HDAC5: variants seen among roughly 807,000 people sequenced by gnomAD.
HDAC5 encodes the protein histone deacetylase 5, also known as antigen NY-CO-9.
Under a neutral mutation model 133.3 loss-of-function variants are expected in HDAC5, and 25 were observed. The observed-to-expected ratio is 0.19, with a 90% CI of 0.14 to 0.26. The LOEUF (loss-of-function observed/expected upper bound fraction) is 0.26. Ranked by LOEUF, HDAC5 falls within the 10% of genes least tolerant of loss-of-function variation. The pLI, the probability that HDAC5 is intolerant of heterozygous loss-of-function variation, is 1.00. For synonymous variants in HDAC5, 589 were observed against 610.8 expected, an observed-to-expected ratio of 0.96 and a Z score of 0.53; for missense variants, 1,041 against 1,460.5, an observed-to-expected ratio of 0.71 and a Z score of 4.68.
rs1449544189 is a variant in HDAC5 at position 44,078,893 on chromosome 17, GAA to G, written c.3079-16_3079-15del. 1 of 1,613,950 alleles carries G rather than the reference GAA, an allele frequency of 6.2e-7. No individual in the cohort carries two copies. Among genetic ancestry groups the G allele is most frequent in the Non-Finnish European group, 8.5e-7 (1 of 1,179,838 alleles). On this transcript the variant is annotated splice_polypyrimidine_tract_variant and intron_variant, in intron 24 of 26. Coordinates refer to ENST00000682912, the MANE Select transcript of HDAC5 (RefSeq NM_005474.5). ...CAAGGGCTGCAGCTGGCAGGGGAAA[GAA>G]GAGAAGGCTTAGGGTGGGGAGTAGG...
In HDAC5 at chr17:44,080,850, C is replaced by G. The variant is rs571457835; in HGVS notation, c.2640G>C (p.Ala880=). 6.2e-7 allele frequency: 1 copy of G among 1,614,054 alleles called. No homozygotes were observed. The highest frequency in any genetic ancestry group is 8.5e-7 in the Non-Finnish European group (1 of 1,180,024). ...AGAGCACAGAGGGGTCATTGTAGAACGCCTGCTGGGTGCCATTGCCATGGT... is the reference window on the plus strand; with the variant it reads ...AGAGCACAGAGGGGTCATTGTAGAAGGCCTGCTGGGTGCCATTGCCATGGT... ...DIHHGNGTQQ[A]FYNDPSVLYI... Residue 880 remains alanine (A), a synonymous_variant, in exon 21 of 27, where the codon GCG becomes GCC. Coordinates refer to ENST00000682912, the MANE Select transcript of HDAC5 (RefSeq NM_005474.5).
chr17:44,111,295 T>G, intron 2 of HDAC5: 1 of 315,740 alleles, frequency 3.2e-6, no homozygotes, highest in South Asian at 2.6e-5. Flanking sequence ...TGTCTATAAA[T>G]AGGTGGAGCA....
rs997821240 is a variant in HDAC5, at chr17:44,085,263, C to G, written c.2051-108G>C. 8 of 1,173,744 alleles carry G rather than the reference C, an allele frequency of 6.8e-6. No homozygotes were observed. The Admixed American group carries it at 8.0e-5, about 12-fold the overall frequency. 72.7% of individuals were successfully genotyped at this position (1,173,744 alleles called of 1,614,324 possible). A position where few individuals can be genotyped will look rare whatever the true frequency, so the allele number is the denominator to read the frequency against. On this transcript the variant is annotated intron_variant, in intron 14 of 26. Transcript: ENST00000682912. Reference sequence around the variant, plus strand: ...ATGGAGCTGTCTCCAACCCCCAGGTCCAAACACCTCCCCATGGCCACTGCA... The same window carrying G: ...ATGGAGCTGTCTCCAACCCCCAGGTGCAAACACCTCCCCATGGCCACTGCA...
chr17:44,093,234 C>A, intron 5 of HDAC5, 28 bp from the exon 6 acceptor site: 2 of 1,592,328 alleles, frequency 1.3e-6, no homozygotes, highest in Non-Finnish European at 8.6e-7. Flanking sequence ...ACTGACCTGG[C>A]TGCTTGGGGC....
chr17:44,088,528 C>T lies in HDAC5; in HGVS notation c.1458G>A (p.Lys486=), dbSNP rs751828968. Reference sequence around the variant, plus strand: ...GGCTCAGGGGCCGATGCCGCGGGAGCTTGCCTACCGTCCGCATGCTGGTGG... The same window carrying T: ...GGCTCAGGGGCCGATGCCGCGGGAGTTTGCCTACCGTCCGCATGCTGGTGG... ...RVATSMRTVG[K]LPRHRPLSRT... The change falls in exon 12 of 27, where the codon AAG becomes AAA. Residue 486 remains lysine, a synonymous_variant. Coordinates refer to ENST00000682912, the MANE Select transcript of HDAC5 (RefSeq NM_005474.5). The T allele has an allele frequency of 2.1e-5, 34 of 1,613,370 alleles. No individual in the cohort carries two copies. The highest frequency in any genetic ancestry group is 2.7e-5 in the African/African-American group (2 of 74,932).
At chr17:44,088,713 A>C in intron 11 of HDAC5, 115 bp from the exon 12 acceptor site, 51 of 1,420,362 alleles carry the variant, frequency 3.6e-5, no homozygotes, top group Non-Finnish European at 4.1e-5. Context: ...CTATATACTC[A>C]GGAAAAACCC....
In HDAC5 at chr17:44,092,813, T is replaced by TGGGGGGGGGCCCCCCGGGGGG; in HGVS notation, c.642-8_642-7insCCCCCCGGGGGGCCCCCCCCC. ...AGAAGCATGGTGGGCTCCCCTGGGG[T>TGGGGGGGGGCCCCCCGGGGGG]GGGGGGGGGGTGGGGATGGAAGCAG... On this transcript the variant is annotated splice_region_variant and splice_polypyrimidine_tract_variant and intron_variant, in intron 6 of 26. Coordinates refer to ENST00000682912, the MANE Select transcript of HDAC5 (RefSeq NM_005474.5). 2.5e-6 allele frequency: 1 copy of TGGGGGGGGGCCCCCCGGGGGG among 403,444 alleles called. No individual in the cohort carries two copies. Among genetic ancestry groups the TGGGGGGGGGCCCCCCGGGGGG allele is most frequent in the Non-Finnish European group, 4.3e-6 (1 of 232,470 alleles). The allele number at this position is 403,444 out of a possible 1,614,324, so 25.0% of individuals were successfully genotyped here.
Position 44,088,396 on chromosome 17 carries a change from C to T in HDAC5, c.1590G>A (p.Gln530=). Residue 530 remains glutamine (Q), a synonymous_variant, in exon 12 of 27, where the codon CAG becomes CAA. Transcript: ENST00000682912. The part of the protein sequence containing the change: ...FLEKQKQQQL[Q]LGKILTKTGE... ...ACCTTTCCAGGCTCACCTTGCCCAG[C>T]TGTAGCTGCTGCTGCTTCTGCTTCT... 1 of 1,552,102 alleles carries T rather than the reference C, an allele frequency of 6.4e-7. No individual in the cohort carries two copies. The highest frequency in any genetic ancestry group is 2.1e-4 in the Middle Eastern group (1 of 4,828).
intron 3 of HDAC5, among the ~76,000 whole-genome samples, chr17:44,101,115 C>T (rs532665070): frequency 6.7e-6 from 1 of 149,936 alleles, no homozygotes; most frequent in East Asian, 2.1e-4. Context: ...TTTAAAAAGA[C>T]CCTGCTCCAG....
chr17:44,087,463 A>T lies in HDAC5; in HGVS notation c.1833T>A (p.Ser611Arg), dbSNP rs774998476. The stretch of plus-strand genomic sequence containing the variant: ...CCAAGTCGGGCCCCTCCTCAGCACC[A>T]CTCTCGCCCTCCTCGTCCTTAACCT... Reference protein sequence around the residue: ...CIQVKDEEGESGAEEGPDLEE... With the variant: ...CIQVKDEEGERGAEEGPDLEE... The change falls in exon 13 of 27, where the codon AGT becomes AGA. Residue 611 changes from serine to arginine, a missense_variant. This residue lies in a region of HDAC5 where 433 missense variants were observed against 531.6 expected (regional missense o/e 0.81). Coordinates refer to ENST00000682912, the MANE Select transcript of HDAC5 (RefSeq NM_005474.5). 1 of 1,470,416 alleles carries T rather than the reference A, an allele frequency of 6.8e-7. No individual in the cohort carries two copies. 91.1% of individuals were successfully genotyped at this position (1,470,416 alleles called of 1,614,324 possible). A position where few individuals can be genotyped will look rare whatever the true frequency, so the allele number is the denominator to read the frequency against.
At chr17:44,093,937 A>G (rs2051102066) in intron 3 of HDAC5, 103 bp from the exon 4 acceptor site, 2 of 1,376,426 alleles carry the variant, frequency 1.5e-6, no homozygotes, top group South Asian at 1.9e-5. Flanking sequence ...AGACCCAAAG[A>G]GAACAGAGAC....
chr17:44,085,061 C>A lies in HDAC5; in HGVS notation c.2145G>T (p.Trp715Cys). 6.3e-7 allele frequency: 1 copy of A among 1,598,420 alleles called. No individual in the cohort carries two copies. The change falls in exon 15 of 27, where the codon TGG (tryptophan) becomes TGT (cysteine). Residue 715 changes from tryptophan to cysteine, a missense_variant. Physicochemically the swap from Trp to Cys is radical, Grantham distance 215. Transcript: ENST00000682912. ...GCAGGCCTGTCTCCTGCAGCCGGGA[C>A]CAGATGCTCTGGATCCGGCCAGCAT... ...PEHAGRIQSI[W>C]SRLQETGLLS...
rs540473165 is a variant in HDAC5 at position 44,078,879 on chromosome 17, G to A, written c.3079C>T (p.Leu1027=). Residue 1027 remains leucine (L), a splice_region_variant and synonymous_variant, in exon 25 of 27, where the codon CTG becomes TTG. Coordinates refer to ENST00000682912, the MANE Select transcript of HDAC5 (RefSeq NM_005474.5). Reference sequence around the variant, plus strand: ...AAGACTGCCTCATCCAAGGGCTGCAGCTGGCAGGGGAAAGAAGAGAAGGCT... The same window carrying A: ...AAGACTGCCTCATCCAAGGGCTGCAACTGGCAGGGGAAAGAAGAGAAGGCT... ...ACVSALLSVE[L]QPLDEAVLQQ... is the part of the protein sequence containing the mutation. 1 of 1,614,138 alleles carries A rather than the reference G, an allele frequency of 6.2e-7. No individual in the cohort carries two copies. The highest frequency in any genetic ancestry group is 2.2e-5 in the East Asian group (1 of 44,894).
chr17:44,081,673 G>A (rs543527127), intron 20 of HDAC5: 17 of 149,924 alleles, frequency 1.1e-4, no homozygotes, highest in African/African-American at 3.7e-4. Flanking sequence ...CCACTTCCCA[G>A]GTTCAAGGAA....
At chr17:44,095,555 G>C (rs946674914) in intron 3 of HDAC5, among the ~76,000 whole-genome samples, 8 of 152,162 alleles carry the variant, frequency 5.3e-5, no homozygotes, top group African/African-American at 1.9e-4. Context: ...CGGGGAAAGG[G>C]GGTGCAGGGC....
At chr17:44,108,752 A>C (rs1296651431) in intron 3 of HDAC5, among the ~76,000 whole-genome samples, 2 of 89,302 alleles carry the variant, frequency 2.2e-5, no homozygotes, top group African/African-American at 4.2e-5. Flanking sequence ...TCCAGAGTCC[A>C]AAAAAAAAAC....
intron 3 of HDAC5, among the ~76,000 whole-genome samples, chr17:44,094,184 G>A (rs569807721): frequency 3.9e-5 from 6 of 152,056 alleles, no homozygotes; most frequent in Non-Finnish European, 7.4e-5. Flanking sequence ...TTATTTGGGC[G>A]TGATGGTGCA....
chr17:44,093,194 C>T lies in HDAC5; in HGVS notation c.539G>A (p.Ser180Asn). The change falls in exon 6 of 27, where the codon AGC (serine) becomes AAC (asparagine). Residue 180 changes from serine (S) to asparagine (N), a missense_variant. Around this residue, in one of 9 missense-constraint regions of HDAC5, gnomAD observed 109 missense variants for 168.0 expected, o/e 0.65. Coordinates refer to ENST00000682912, the MANE Select transcript of HDAC5 (RefSeq NM_005474.5). ...KEKSKESAIASTEVKLRLQEF... is the reference protein window; with the variant it reads ...KEKSKESAIANTEVKLRLQEF... The stretch of plus-strand genomic sequence containing the variant: ...CTGGAGCCTCAGCTTTACCTCAGTG[C>T]TGGCAATGGCACCTGCAGGACAGGG... 6.2e-7 allele frequency: 1 copy of T among 1,612,028 alleles called. No homozygotes were observed. Among genetic ancestry groups the T allele is most frequent in the Non-Finnish European group, 8.5e-7 (1 of 1,178,742 alleles).
In HDAC5 at chr17:44,092,821, G is replaced by A. The variant is rs777336620; in HGVS notation, c.642-15C>T. On this transcript the variant is annotated splice_polypyrimidine_tract_variant and intron_variant, in intron 6 of 26. Coordinates refer to ENST00000682912, the MANE Select transcript of HDAC5 (RefSeq NM_005474.5). ...GGTGGGCTCCCCTGGGGTGGGGGGG[G>A]GGTGGGGATGGAAGCAGATCTAGGT... is the stretch of plus-strand genomic sequence containing the variant. 3 of 847,300 alleles carry A rather than the reference G, an allele frequency of 3.5e-6. No individual in the cohort carries two copies. Among genetic ancestry groups the A allele is most frequent in the South Asian group, 4.1e-5 (2 of 48,692 alleles). The allele number at this position is 847,300 out of a possible 1,614,324, so 52.5% of individuals were successfully genotyped here. A position where few individuals can be genotyped will look rare whatever the true frequency, so the allele number is the denominator to read the frequency against.
Sources: allele counts gnomAD v4.1 joint callset (sites outside exome capture counted in the v4.1 genomes callset), GRCh38; gene constraint gnomAD v4.1.1; regional missense constraint gnomAD v4.1.1; transcripts MANE v1.5; gene names NCBI Gene and HGNC (gene_info 2026-07-23, HGNC 2026-07-21).